ZNF892: variants seen among roughly 807,000 people sequenced by gnomAD.
ZNF892 encodes the protein zinc finger protein 892, also known as zinc finger protein 570-like.
chr2:95,213,533 C>G, the ZNF892 span, among the ~76,000 whole-genome samples: 1 of 152,170 alleles, frequency 6.6e-6, no homozygotes, highest in African/African-American at 2.4e-5. Flanking sequence ...CTCATCTGAA[C>G]ACATGGAGTT....
chr2:95,210,585 C>T, the ZNF892 span, among the ~76,000 whole-genome samples: 1 of 152,142 alleles, frequency 6.6e-6, no homozygotes, highest in Non-Finnish European at 1.5e-5. Flanking sequence ...GTTCTCCTCC[C>T]CACTTCTGTT....
At chr2:95,254,409 G>C in the ZNF892 span, among the ~76,000 whole-genome samples, 31 of 152,216 alleles carry the variant, frequency 2.0e-4, no homozygotes, top group Admixed American at 2.0e-3. Context: ...GTTGAACCAG[G>C]CTTGCATCCC....
At chr2:95,254,208 G>C in the ZNF892 span, among the ~76,000 whole-genome samples, 2 of 152,160 alleles carry the variant, frequency 1.3e-5, no homozygotes, top group African/African-American at 4.8e-5. Flanking sequence ...TATGATATTG[G>C]CTGTGGTTTT....
chr2:95,220,171 G>C, the ZNF892 span, among the ~76,000 whole-genome samples: 1 of 152,190 alleles, frequency 6.6e-6, no homozygotes, highest in African/African-American at 2.4e-5. Flanking sequence ...GTGGAGGACT[G>C]AGGAGCCTTG....
the ZNF892 span, chr2:95,215,420 G>C: frequency 2.3e-6 from 1 of 439,258 alleles, no homozygotes; most frequent in Non-Finnish European, 4.1e-6. Context: ...CTCTTACAAA[G>C]CATCAGAAAA....
chr2:95,224,633 G>A, the ZNF892 span, among the ~76,000 whole-genome samples: 4 of 152,208 alleles, frequency 2.6e-5, no homozygotes, highest in South Asian at 8.3e-4. Context: ...TGATCCAATC[G>A]CCTCCAATCA....
At chr2:95,230,217 G>A in the ZNF892 span, among the ~76,000 whole-genome samples, 2 of 152,082 alleles carry the variant, frequency 1.3e-5, no homozygotes, top group South Asian at 4.1e-4. Context: ...AGGACTCAGG[G>A]GGAAAGGGTG....
the ZNF892 span, among the ~76,000 whole-genome samples, chr2:95,208,160 G>C: frequency 6.6e-6 from 1 of 152,314 alleles, no homozygotes; most frequent in South Asian, 2.1e-4. Flanking sequence ...AGGGAAAGCA[G>C]GGATTTGAGA....
chr2:95,246,970 T>G, the ZNF892 span, among the ~76,000 whole-genome samples: 1 of 152,180 alleles, frequency 6.6e-6, no homozygotes, highest in Non-Finnish European at 1.5e-5. Flanking sequence ...CCCATTAAAC[T>G]ACCATCAACA....
At chr2:95,239,376 A>G in the ZNF892 span, among the ~76,000 whole-genome samples, 1 of 152,330 alleles carries the variant, frequency 6.6e-6, no homozygotes, top group Admixed American at 6.5e-5. Context: ...AGGGTTTAAG[A>G]GGAGGGACTC....
the ZNF892 span, among the ~76,000 whole-genome samples, chr2:95,236,907 C>A: frequency 6.6e-6 from 1 of 152,162 alleles, no homozygotes; most frequent in Non-Finnish European, 1.5e-5. Context: ...TGAAAAATTT[C>A]TAGGAATTTC....
chr2:95,220,348 C>CTTTT, the ZNF892 span, among the ~76,000 whole-genome samples: 1 of 128,506 alleles, frequency 7.8e-6, no homozygotes, highest in Admixed American at 7.8e-5. Flanking sequence ...TTTCTTGGGG[C>CTTTT]TTTTTTTTTT....
At chr2:95,226,828 T>C in the ZNF892 span, among the ~76,000 whole-genome samples, 2 of 152,070 alleles carry the variant, frequency 1.3e-5, no homozygotes, top group Admixed American at 6.6e-5. Context: ...ACCACCTGTT[T>C]CACTAAGGGT....
chr2:95,253,124 C>T, the ZNF892 span, among the ~76,000 whole-genome samples: 3 of 152,150 alleles, frequency 2.0e-5, no homozygotes, highest in Admixed American at 1.3e-4. Flanking sequence ...GCTTTTGTTG[C>T]CATTGCTTGG....
chr2:95,209,465 C>T, the ZNF892 span, among the ~76,000 whole-genome samples: 2 of 152,014 alleles, frequency 1.3e-5, no homozygotes, highest in Admixed American at 6.6e-5. Flanking sequence ...ATGAAACATG[C>T]CATAGCTGAT....
chr2:95,210,534 C>G, the ZNF892 span, among the ~76,000 whole-genome samples: 1 of 152,142 alleles, frequency 6.6e-6, no homozygotes, highest in Non-Finnish European at 1.5e-5. Context: ...GAAGGTTAGG[C>G]TAAATACTCC....
chr2:95,217,252 A>C, the ZNF892 span, among the ~76,000 whole-genome samples: 1 of 151,716 alleles, frequency 6.6e-6, no homozygotes, highest in Non-Finnish European at 1.5e-5. Context: ...AACCCTAATT[A>C]CCCCCCTGAA....
At chr2:95,251,135 A>G in the ZNF892 span, among the ~76,000 whole-genome samples, 1 of 151,998 alleles carries the variant, frequency 6.6e-6, no homozygotes, top group Non-Finnish European at 1.5e-5. Context: ...ATTTGGTGGT[A>G]AAAAAATCAC....
chr2:95,258,059 T>G, the ZNF892 span, among the ~76,000 whole-genome samples: 1 of 152,116 alleles, frequency 6.6e-6, no homozygotes, highest in Non-Finnish European at 1.5e-5. Flanking sequence ...ACGCTCGGTG[T>G]GCTGCACCCA....
Sources: allele counts gnomAD v4.1 joint callset (sites outside exome capture counted in the v4.1 genomes callset), GRCh38; gene constraint gnomAD v4.1.1; transcripts MANE v1.5; gene names NCBI Gene and HGNC (gene_info 2026-07-23, HGNC 2026-07-21).